CDH9: variants seen among roughly 807,000 people sequenced by gnomAD.
The protein encoded by CDH9 is cadherin 9.
A neutral mutation model predicts 70.9 loss-of-function variants in CDH9; 28 were observed. The ratio of observed to expected loss-of-function variants is 0.40; its 90% CI spans 0.29 to 0.54. The LOEUF is 0.54. CDH9 is among the 20% of genes least tolerant of loss of function. CDH9 has a pLI of 0.59. For synonymous variants in CDH9, 409 were observed against 343.1 expected, an observed-to-expected ratio of 1.19 and a Z score of -2.12; for missense variants, 874 against 984.4, an observed-to-expected ratio of 0.89 and a Z score of 1.50.
At chr5:26,881,757 A>G in intron 11 of CDH9, 134 bp from the exon 12 acceptor site, 1 of 746,488 alleles carries the variant, frequency 1.3e-6, no homozygotes, top group Non-Finnish European at 2.1e-6. Flanking sequence ...TACCCTGTAC[A>G]AATACAGAGT....
At chr5:26,899,049 G>A (rs960626451) in intron 7 of CDH9, among the ~76,000 whole-genome samples, 2 of 151,918 alleles carry the variant, frequency 1.3e-5, no homozygotes, top group African/African-American at 4.8e-5. Context: ...ACATTTATGC[G>A]GCCAACAAAC....
intron 1 of CDH9, among the ~76,000 whole-genome samples, chr5:27,036,414 G>T (rs969489161): frequency 4.0e-5 from 6 of 151,852 alleles, no homozygotes; most frequent in South Asian, 4.1e-4. Context: ...CTTTGATATT[G>T]TACTCTTCTT....
At chr5:26,970,195 A>C (rs1742195068) in intron 2 of CDH9, among the ~76,000 whole-genome samples, 1 of 151,834 alleles carries the variant, frequency 6.6e-6, no homozygotes, top group African/African-American at 2.4e-5. Flanking sequence ...GAATTATAAT[A>C]TTTAACATGA....
At chr5:26,949,376 T>C (rs2112044973) in intron 2 of CDH9, among the ~76,000 whole-genome samples, 1 of 152,256 alleles carries the variant, frequency 6.6e-6, no homozygotes, top group African/African-American at 2.4e-5. Flanking sequence ...TGGAAGAAAA[T>C]GTAATAAGTT....
At chr5:26,952,342 T>C (rs1355884781) in intron 2 of CDH9, among the ~76,000 whole-genome samples, 1 of 143,404 alleles carries the variant, frequency 7.0e-6, no homozygotes, top group African/African-American at 2.5e-5. Flanking sequence ...CGGCCGGGCG[T>C]CTTGGCTCAC....
chr5:26,938,606 C>G (rs749590857), intron 2 of CDH9, among the ~76,000 whole-genome samples: 8 of 152,080 alleles, frequency 5.3e-5, no homozygotes, highest in Admixed American at 2.6e-4. Context: ...TAACCTAAGA[C>G]AGAGTAAGTG....
intron 7 of CDH9, among the ~76,000 whole-genome samples, chr5:26,895,635 T>C (rs1579667963): frequency 6.6e-6 from 1 of 152,070 alleles, no homozygotes; most frequent in Non-Finnish European, 1.5e-5. Flanking sequence ...CCTATAACTT[T>C]GGAGATTCGT....
chr5:27,025,222 G>A lies in CDH9; in HGVS notation c.-50+13241C>T, dbSNP rs148017762. Among the ~76,000 whole-genome samples the A allele has an allele frequency of 2.3e-3, 356 of 152,198 alleles. 1 individual carries two copies. The highest frequency in any genetic ancestry group is 8.4e-3 in the African/African-American group (351 of 41,572). On this transcript the variant is annotated intron_variant, in intron 1 of 11. Transcript: ENST00000231021. ...CTGTTTAATTCACACAAGCGGTATA[G>A]ACCTATCAATGTATTTTGAGTAACA...
At chr5:26,948,501 G>T (rs1313766822) in intron 2 of CDH9, among the ~76,000 whole-genome samples, 1 of 152,130 alleles carries the variant, frequency 6.6e-6, no homozygotes, top group African/African-American at 2.4e-5. Context: ...AACTCTATGG[G>T]TTACGAATAT....
rs746000961 is a variant in CDH9 at position 26,915,859 on chromosome 5, G to A, written c.294C>T (p.Gly98=). 8 of 1,611,180 alleles carry A rather than the reference G, an allele frequency of 5.0e-6. No homozygotes were observed. Among genetic ancestry groups the A allele is most frequent in the Admixed American group, 1.7e-5 (1 of 59,962 alleles). ...TATTTTCATCTATAACAAATAGACT[G>A]CCAGCCCCATCTCCTGTTAGTATGT... The part of the protein sequence containing the change: ...LKYILTGDGA[G]SLFVIDENTG... The change falls in exon 3 of 12, where the codon GGC becomes GGT. Residue 98 remains glycine, a synonymous_variant. Transcript: ENST00000231021.
chr5:26,926,229 G>A (rs1251294811), intron 2 of CDH9, among the ~76,000 whole-genome samples: 1 of 152,100 alleles, frequency 6.6e-6, no homozygotes, highest in East Asian at 1.9e-4. Context: ...AAGCCGATAA[G>A]CAACTTCAGC....
At chr5:26,908,993 G>GT (rs1022308410) in intron 3 of CDH9, among the ~76,000 whole-genome samples, 24 of 151,802 alleles carry the variant, frequency 1.6e-4, no homozygotes, top group South Asian at 6.3e-4. Context: ...ATTAATTTTT[G>GT]TTTTTTTTGA....
intron 2 of CDH9, among the ~76,000 whole-genome samples, chr5:26,924,313 C>G (rs1053922682): frequency 2.2e-4 from 34 of 151,640 alleles, no homozygotes; most frequent in African/African-American, 8.2e-4. Context: ...GAATAAATTT[C>G]CAGACACATT....
chr5:26,955,722 A>G (rs1741936054), intron 2 of CDH9, among the ~76,000 whole-genome samples: 1 of 152,156 alleles, frequency 6.6e-6, no homozygotes, highest in Admixed American at 6.6e-5. Context: ...TTTAGGAGCC[A>G]TCATTCATCT....
At chr5:26,910,072 A>G (rs754110134) in intron 3 of CDH9, among the ~76,000 whole-genome samples, 1 of 152,096 alleles carries the variant, frequency 6.6e-6, no homozygotes, top group Non-Finnish European at 1.5e-5. Context: ...TTATTACACT[A>G]TACAAAATAA....
At chr5:27,017,481 C>T (rs1169590197) in intron 1 of CDH9, among the ~76,000 whole-genome samples, 2 of 151,822 alleles carry the variant, frequency 1.3e-5, no homozygotes, top group Non-Finnish European at 2.9e-5. Flanking sequence ...CAAAGCAGTC[C>T]CAAATGTCAA....
At chr5:26,959,606 T>C (rs1742000492) in intron 2 of CDH9, among the ~76,000 whole-genome samples, 1 of 152,128 alleles carries the variant, frequency 6.6e-6, no homozygotes. Context: ...ACCAAAGATC[T>C]ATCAATGGAT....
chr5:26,906,155 C>A, intron 4 of CDH9, 29 bp from the exon 5 acceptor site: 1 of 1,586,100 alleles, frequency 6.3e-7, no homozygotes, highest in South Asian at 1.1e-5. Context: ...AAAAGTTTTG[C>A]AATTAAATCG....
At chr5:26,930,985 A>T (rs947376783) in intron 2 of CDH9, among the ~76,000 whole-genome samples, 1 of 152,166 alleles carries the variant, frequency 6.6e-6, no homozygotes, top group Non-Finnish European at 1.5e-5. Flanking sequence ...GATAAAAGAA[A>T]ACCAATTATA....
Sources: allele counts gnomAD v4.1 joint callset (sites outside exome capture counted in the v4.1 genomes callset), GRCh38; gene constraint gnomAD v4.1.1; transcripts MANE v1.5; gene names NCBI Gene and HGNC (gene_info 2026-07-23, HGNC 2026-07-21).